BICRAL: variants seen among roughly 807,000 people sequenced by gnomAD.
BICRAL encodes BRD4-interacting chromatin-remodeling complex-associated protein-like.
A neutral mutation model predicts 91.8 loss-of-function variants in BICRAL; 8 were observed. The observed-to-expected ratio is 0.09, with a 90% CI of 0.05 to 0.16. The LOEUF is 0.16. Ranked by LOEUF, BICRAL falls within the 10% of genes least tolerant of loss-of-function variation. The pLI, the probability that BICRAL is intolerant of heterozygous loss-of-function variation, is 1.00. For synonymous variants in BICRAL, 445 were observed against 491.1 expected (o/e 0.91, Z 1.24); for missense variants, 1,038 against 1,310.9 (o/e 0.79, Z 3.21).
At chr6:42,860,795 T>A (rs963287176) in intron 11 of BICRAL, among the ~76,000 whole-genome samples, 3 of 152,204 alleles carry the variant, frequency 2.0e-5, no homozygotes, top group African/African-American at 7.2e-5. Context: ...GTTTTGTTTT[T>A]GAGAGATCAT....
At chr6:42,822,137 A>G (rs769347362) in intron 3 of BICRAL, 74 bp downstream of exon 3, 10 of 808,514 alleles carry the variant, frequency 1.2e-5, no homozygotes, top group Non-Finnish European at 4.3e-6. Flanking sequence ...ACCTAATAGC[A>G]TATAACACCT....
chr6:42,826,231 CTTTT>C (rs763034286), intron 5 of BICRAL, among the ~76,000 whole-genome samples: 10 of 116,882 alleles, frequency 8.6e-5, no homozygotes, highest in Admixed American at 6.2e-4. Flanking sequence ...AACTCATGTT[CTTTT>C]TTTTTTTTTT....
At chr6:42,804,345 A>G (rs1429240412) in intron 1 of BICRAL, among the ~76,000 whole-genome samples, 2 of 152,172 alleles carry the variant, frequency 1.3e-5, no homozygotes, top group African/African-American at 4.8e-5. Context: ...TTAAGGGACC[A>G]TAATCATATA....
chr6:42,864,993 G>A lies in BICRAL; in HGVS notation c.2787G>A (p.Lys929=). 1 of 1,614,098 alleles carries A rather than the reference G, an allele frequency of 6.2e-7. No individual in the cohort carries two copies. The highest frequency in any genetic ancestry group is 8.5e-7 in the Non-Finnish European group (1 of 1,180,038). The change falls in exon 13 of 13, where the codon AAG becomes AAA. Residue 929 remains lysine, a synonymous_variant. Transcript: ENST00000314073. ...EEKASRREPL[K]ASQCSPGPEG... ...AGGCCAGCCGGAGAGAGCCTCTGAA[G>A]GCCAGTCAGTGCTCTCCCGGCCCTG...
intron 6 of BICRAL, among the ~76,000 whole-genome samples, chr6:42,849,739 T>G (rs1765121841): frequency 6.6e-6 from 1 of 150,738 alleles, no homozygotes; most frequent in South Asian, 2.2e-4. Flanking sequence ...GCGCCCGGCC[T>G]AGAACAGAAA....
chr6:42,850,542 A>G (rs982607883), intron 6 of BICRAL, among the ~76,000 whole-genome samples: 22 of 151,660 alleles, frequency 1.5e-4, no homozygotes, highest in African/African-American at 5.1e-4. Context: ...ACAAGAAAAA[A>G]ACTCTGAAAA....
intron 1 of BICRAL, among the ~76,000 whole-genome samples, chr6:42,794,794 C>CAAAAAAAAA (rs1207429482): frequency 2.1e-5 from 2 of 95,246 alleles, no homozygotes; most frequent in African/African-American, 4.4e-5. Context: ...ACTAAAAATA[C>CAAAAAAAAA]AAAAAAAAAA....
At chr6:42,753,447 A>AGG in intron 1 of BICRAL, among the ~76,000 whole-genome samples, 3 of 152,236 alleles carry the variant, frequency 2.0e-5, no homozygotes, top group Admixed American at 2.0e-4. Flanking sequence ...AAAGCTTCAG[A>AGG]GGGGGTTGAG....
At chr6:42,778,309 C>A (rs780330610), upstream of BICRAL, among the ~76,000 whole-genome samples, 1 of 152,178 alleles carries the variant, frequency 6.6e-6, no homozygotes, top group Non-Finnish European at 1.5e-5. Context: ...CCTGACAGAG[C>A]GTGAGTTTTG....
At position 42,823,077 on chromosome 6, in the gene BICRAL, CT is replaced by C. The variant is rs1764190760; in HGVS notation, c.159+75del. ...GATGCCTTGTGAACTGAGCCTTTAACTGCCTTTGTATCATGAGAATCCTTAC... is the reference window on the plus strand; with the variant it reads ...GATGCCTTGTGAACTGAGCCTTTAACGCCTTTGTATCATGAGAATCCTTAC... On this transcript the variant is annotated intron_variant, in intron 5 of 12. Coordinates refer to ENST00000314073, the MANE Select transcript of BICRAL (RefSeq NM_001393499.1). 4.7e-6 allele frequency: 4 copies of C among 842,874 alleles called. No individual in the cohort carries two copies. In the Admixed American group the frequency reaches 7.3e-5, roughly 15 times the overall value. 52.2% of individuals were successfully genotyped at this position (842,874 alleles called of 1,614,324 possible). A position where few individuals can be genotyped will look rare whatever the true frequency, so the allele number is the denominator to read the frequency against.
At chr6:42,747,535 C>A (rs1762298392) in intron 1 of BICRAL, among the ~76,000 whole-genome samples, 1 of 152,148 alleles carries the variant, frequency 6.6e-6, no homozygotes, top group Admixed American at 6.5e-5. Context: ...CTTTCCTTCC[C>A]ACTTAAAACA....
At chr6:42,858,451 G>A (rs995173168) in intron 10 of BICRAL, among the ~76,000 whole-genome samples, 3 of 150,530 alleles carry the variant, frequency 2.0e-5, no homozygotes, top group Admixed American at 6.7e-5. Context: ...GGAAGGCAGA[G>A]GTTGCAGTGA....
chr6:42,763,377 C>T (rs6458307), intron 1 of BICRAL, among the ~76,000 whole-genome samples: 54,473 of 152,032 alleles, frequency 0.36, 10,500 homozygotes, highest in African/African-American at 0.5. Flanking sequence ...TGCTCATTCA[C>T]TGAGTTCAAA....
chr6:42,766,358 T>C (rs1197360775), intron 1 of BICRAL, among the ~76,000 whole-genome samples: 2 of 152,214 alleles, frequency 1.3e-5, no homozygotes, highest in Non-Finnish European at 2.9e-5. Context: ...ATTCTGCTTC[T>C]ACCTTCATGT....
At chr6:42,761,632 G>T (rs904169527) in intron 1 of BICRAL, among the ~76,000 whole-genome samples, 1 of 151,948 alleles carries the variant, frequency 6.6e-6, no homozygotes, top group Non-Finnish European at 1.5e-5. Context: ...TCTTGGCTGG[G>T]CACAGTGGCT....
At chr6:42,848,905 G>C (rs917258760) in intron 6 of BICRAL, among the ~76,000 whole-genome samples, 1 of 152,162 alleles carries the variant, frequency 6.6e-6, no homozygotes, top group Non-Finnish European at 1.5e-5. Context: ...CAGGACACCT[G>C]TCCAGGTGTC....
intron 10 of BICRAL, among the ~76,000 whole-genome samples, chr6:42,859,742 C>T (rs537871108): frequency 1.3e-5 from 2 of 152,126 alleles, no homozygotes; most frequent in South Asian, 2.1e-4. Context: ...TCTGGGTTCA[C>T]GCCATTCTCC....
intron 1 of BICRAL, among the ~76,000 whole-genome samples, chr6:42,787,720 C>T (rs149390912): frequency 3.7e-4 from 57 of 152,182 alleles, no homozygotes; most frequent in African/African-American, 1.2e-3. Context: ...GATTTGACAA[C>T]ATGATGGTGA....
At chr6:42,852,372 T>A in intron 7 of BICRAL, 175 bp downstream of exon 7, 1 of 696,020 alleles carries the variant, frequency 1.4e-6, no homozygotes, top group South Asian at 1.5e-5. Context: ...AACTCTAAGA[T>A]AGCATTGGGC....
Sources: gnomAD v4.1 joint callset for allele counts (sites outside exome capture counted in the v4.1 genomes callset) on GRCh38, gnomAD v4.1.1 for gene constraint, MANE v1.5 for transcripts, NCBI Gene and HGNC (gene_info 2026-07-23, HGNC 2026-07-21) for gene names.